ARSB: variants seen among roughly 807,000 people sequenced by gnomAD.
The protein encoded by ARSB is N-acetylgalactosamine-4-sulfatase.
A neutral mutation model predicts 50.9 loss-of-function variants in ARSB; 41 were observed. The observed-to-expected ratio is 0.81, with a 90% confidence interval of 0.63 to 1.04. The LOEUF is 1.04. Ranked by LOEUF, ARSB falls within the 50% of genes least tolerant of loss-of-function variation. ARSB has a pLI of 0.00. For missense variants in ARSB, 672 were observed against 693.3 expected (o/e 0.97, Z 0.35); for synonymous variants, 269 against 284.8 (o/e 0.94, Z 0.56).
At chr5:78,870,377 A>T (rs1302891863) in intron 5 of ARSB, among the ~76,000 whole-genome samples, 1 of 92,342 alleles carries the variant, frequency 1.1e-5, no homozygotes, top group African/African-American at 4.0e-5. Context: ...AGAATTTTAG[A>T]CCAATATCCT....
chr5:78,909,520 A>G (rs538887654), intron 4 of ARSB, among the ~76,000 whole-genome samples: 2 of 152,312 alleles, frequency 1.3e-5, no homozygotes, highest in South Asian at 4.1e-4. Context: ...TCACAGAAAC[A>G]TGTGTTGTAT....
At chr5:78,984,223 C>A (rs1203272755) in intron 1 of ARSB, among the ~76,000 whole-genome samples, 1 of 152,214 alleles carries the variant, frequency 6.6e-6, no homozygotes, top group African/African-American at 2.4e-5. Context: ...ACTTTAAAAA[C>A]AACAAAGTGC....
chr5:78,856,877 A>G (rs889424351), intron 5 of ARSB, among the ~76,000 whole-genome samples: 5 of 152,222 alleles, frequency 3.3e-5, no homozygotes, highest in African/African-American at 1.2e-4. Flanking sequence ...TCACTCTCTC[A>G]TAAGAAGTAT....
At chr5:78,868,859 C>A (rs796502049) in intron 5 of ARSB, among the ~76,000 whole-genome samples, 20,503 of 150,236 alleles carry the variant, frequency 0.14, 1,484 homozygotes, top group Middle Eastern at 0.2. Context: ...TTAAAAGACA[C>A]AGACTGGCAA....
At chr5:78,921,304 C>T (rs370554898) in intron 4 of ARSB, among the ~76,000 whole-genome samples, 50 of 152,212 alleles carry the variant, frequency 3.3e-4, no homozygotes, top group East Asian at 2.7e-3. Context: ...TGGGCACATG[C>T]GGCTAGAAAT....
intron 6 of ARSB, among the ~76,000 whole-genome samples, chr5:78,812,489 C>A (rs1461017010): frequency 1.3e-5 from 2 of 151,854 alleles, no homozygotes; most frequent in Admixed American, 6.6e-5. Context: ...ACACAACAAT[C>A]AAATCAATTT....
chr5:78,785,231 TTA>T (rs995774639), intron 6 of ARSB, among the ~76,000 whole-genome samples: 1 of 150,184 alleles, frequency 6.7e-6, no homozygotes, highest in African/African-American at 2.5e-5. Context: ...GCTTAATTTG[TTA>T]TTTTTTTTAT....
At chr5:78,847,121 T>C (rs1745480791) in intron 5 of ARSB, among the ~76,000 whole-genome samples, 1 of 152,130 alleles carries the variant, frequency 6.6e-6, no homozygotes, top group African/African-American at 2.4e-5. Context: ...TGGTGAATGA[T>C]CTTTTAAATT....
At chr5:78,791,102 G>C (rs991589983) in intron 6 of ARSB, among the ~76,000 whole-genome samples, 7 of 152,138 alleles carry the variant, frequency 4.6e-5, no homozygotes, top group African/African-American at 1.7e-4. Context: ...GACTTTCCCT[G>C]CCAGTGTGAT....
intron 5 of ARSB, among the ~76,000 whole-genome samples, chr5:78,851,158 T>C (rs1228242423): frequency 6.6e-6 from 1 of 152,206 alleles, no homozygotes. Flanking sequence ...TGTTAGGGTG[T>C]CAATTTTGGA....
chr5:78,796,877 C>CTTTTT (rs1743200158), intron 6 of ARSB, among the ~76,000 whole-genome samples: 1 of 120,744 alleles, frequency 8.3e-6, no homozygotes. Flanking sequence ...TGGTCTCGAT[C>CTTTTT]TCTTTTTTTT....
chr5:78,894,430 G>A (rs1561487283), intron 4 of ARSB, among the ~76,000 whole-genome samples: 1 of 152,160 alleles, frequency 6.6e-6, no homozygotes. Flanking sequence ...TACTTCTTAA[G>A]TAGTAAGATA....
intron 6 of ARSB, among the ~76,000 whole-genome samples, chr5:78,817,589 A>G (rs1177441750): frequency 6.6e-6 from 1 of 152,092 alleles, no homozygotes; most frequent in Non-Finnish European, 1.5e-5. Context: ...GGGGTGAATC[A>G]CCTAAGGTCA....
intron 4 of ARSB, among the ~76,000 whole-genome samples, chr5:78,944,572 A>T (rs991965667): frequency 1.3e-5 from 2 of 152,204 alleles, no homozygotes; most frequent in Non-Finnish European, 2.9e-5. Context: ...GGGTATCAGC[A>T]GTGGAGGCTG....
intron 5 of ARSB, among the ~76,000 whole-genome samples, chr5:78,863,032 A>G (rs566062077): frequency 6.6e-6 from 1 of 152,378 alleles, no homozygotes; most frequent in Admixed American, 6.5e-5. Context: ...GTCATCAGAG[A>G]AATGCAAATC....
At chr5:78,844,043 G>A (rs575143296) in intron 5 of ARSB, among the ~76,000 whole-genome samples, 6 of 152,008 alleles carry the variant, frequency 3.9e-5, no homozygotes, top group East Asian at 1.9e-4. Flanking sequence ...GTGGGCATTC[G>A]TTTTCATATC....
intron 4 of ARSB, among the ~76,000 whole-genome samples, chr5:78,903,600 C>T (rs1238140066): frequency 6.6e-6 from 1 of 152,132 alleles, no homozygotes; most frequent in East Asian, 1.9e-4. Flanking sequence ...TTCAGCGAGG[C>T]CTTTTGTGGT....
intron 6 of ARSB, among the ~76,000 whole-genome samples, chr5:78,829,073 G>A (rs1211217045): frequency 1.3e-5 from 2 of 152,244 alleles, no homozygotes; most frequent in African/African-American, 4.8e-5. Context: ...GCCTCTAGAA[G>A]CAGGAAAAGG....
intron 6 of ARSB, among the ~76,000 whole-genome samples, chr5:78,808,866 T>C (rs1237531832): frequency 6.6e-6 from 1 of 152,168 alleles, no homozygotes; most frequent in African/African-American, 2.4e-5. Context: ...GATGTGTGAC[T>C]TTTTGCTGGA....
Sources: gnomAD v4.1 joint callset for allele counts (sites outside exome capture counted in the v4.1 genomes callset) on GRCh38, gnomAD v4.1.1 for gene constraint, MANE v1.5 for transcripts, NCBI Gene and HGNC (gene_info 2026-07-23, HGNC 2026-07-21) for gene names.